Variants in SLC43A2 observed in about 807,000 individuals in gnomAD.
SLC43A2 encodes large neutral amino acids transporter small subunit 4.
In SLC43A2, 38 loss-of-function variants were observed where a neutral mutation model predicts 63.2. The observed-to-expected ratio is 0.60, with a 90% CI of 0.46 to 0.79. SLC43A2 has a LOEUF of 0.79. Among genes scored for constraint, SLC43A2 ranks in the 30% least tolerant of loss-of-function variants. SLC43A2 has a pLI of 0.00. For missense variants in SLC43A2, 644 were observed against 756.2 expected, an observed-to-expected ratio of 0.85 and a Z score of 1.74; for synonymous variants, 322 against 331.0, an observed-to-expected ratio of 0.97 and a Z score of 0.30.
intron 9 of SLC43A2, among the ~76,000 whole-genome samples, chr17:1,586,439 G>A (rs949012277): frequency 1.3e-5 from 2 of 152,164 alleles, no homozygotes; most frequent in Non-Finnish European, 2.9e-5. Flanking sequence ...GCTCATGCCT[G>A]TAATCCCAGC....
chr17:1,627,846 C>CA lies in SLC43A2; in HGVS notation c.28_29insT (p.Arg10LeufsTer130). The stretch of plus-strand genomic sequence containing the variant: ...CGTGCAGGCCATCCACCAGCGGCGC[C>CA]GATGGGCAGTGGCCAGGGTGGGCGC... On this transcript the variant is annotated frameshift_variant, in exon 2 of 14. Coordinates refer to ENST00000301335, the MANE Select transcript of SLC43A2 (RefSeq NM_152346.3). LOFTEE classifies it high-confidence loss of function. 1 of 1,585,008 alleles carries CA rather than the reference C, an allele frequency of 6.3e-7. No individual in the cohort carries two copies. The highest frequency in any genetic ancestry group is 8.6e-7 in the Non-Finnish European group (1 of 1,165,940).
intron 5 of SLC43A2, among the ~76,000 whole-genome samples, chr17:1,601,619 C>T (rs1906029173): frequency 1.3e-5 from 2 of 150,372 alleles, no homozygotes; most frequent in African/African-American, 2.5e-5. Flanking sequence ...GAGTCGTGCA[C>T]TGAGACTACC....
Position 1,587,070 on chromosome 17 carries a change from C to T in SLC43A2, c.1079-1019G>A, listed in dbSNP as rs536634700. On this transcript the variant is annotated intron_variant, in intron 9 of 13. Transcript: ENST00000301335. ...AGGCAGGCTCACTCCATGCCCAGCA[C>T]GCACTGCATTTCCCACACTGCGTTT... 1.1e-4 allele frequency: 133 copies of T among 1,225,730 alleles called. No individual in the cohort carries two copies. In the African/African-American group the frequency reaches 1.2e-3, roughly 11 times the overall value. 75.9% of individuals were successfully genotyped at this position (1,225,730 alleles called of 1,614,324 possible).
Position 1,583,480 on chromosome 17 carries a change from G to C in SLC43A2, c.1218-144C>G. 7.1e-7 allele frequency: 1 copy of C among 1,412,578 alleles called. No homozygotes were observed. The allele number at this position is 1,412,578 out of a possible 1,614,324, so 87.5% of individuals were successfully genotyped here. A position where few individuals can be genotyped will look rare whatever the true frequency, so the allele number is the denominator to read the frequency against. On this transcript the variant is annotated intron_variant, in intron 10 of 13. Coordinates refer to ENST00000301335, the MANE Select transcript of SLC43A2 (RefSeq NM_152346.3). This position sits in a 1 kb window ranked among gnomAD's most constrained non-coding sequence, Gnocchi z 5.5. ...CAGGCACGTTTTAGGGACTGTGTCGGGGCTGGACCAGCACTACGGACACTC... is the reference window on the plus strand; with the variant it reads ...CAGGCACGTTTTAGGGACTGTGTCGCGGCTGGACCAGCACTACGGACACTC...
intron 5 of SLC43A2, among the ~76,000 whole-genome samples, chr17:1,601,823 G>A (rs1388155032): frequency 6.9e-6 from 1 of 144,464 alleles, no homozygotes; most frequent in Non-Finnish European, 1.5e-5. Context: ...CCAAACCGAT[G>A]CAAAGCCACT....
rs1404433775 is a variant in SLC43A2 at position 1,575,195 on chromosome 17, G to A, written c.*409C>T. On this transcript the variant is annotated 3_prime_UTR_variant, in exon 14 of 14. Coordinates refer to ENST00000301335, the MANE Select transcript of SLC43A2 (RefSeq NM_152346.3). ...GAGACAGTGCAAGCCTTTGTCCTCA[G>A]GCAGGTACGGCTGTGGGCATGCAGC... is the stretch of plus-strand genomic sequence containing the variant. 6.7e-6 allele frequency: 2 copies of A among 299,074 alleles called. No homozygotes were observed. The highest frequency in any genetic ancestry group is 3.0e-5 in the South Asian group (1 of 33,844). The allele number at this position is 299,074 out of a possible 1,614,324, so 18.5% of individuals were successfully genotyped here. A position where few individuals can be genotyped will look rare whatever the true frequency, so the allele number is the denominator to read the frequency against.
At chr17:1,619,623 G>A (rs79755857) in intron 2 of SLC43A2, among the ~76,000 whole-genome samples, 135 of 152,284 alleles carry the variant, frequency 8.9e-4, no homozygotes, top group African/African-American at 2.9e-3. Flanking sequence ...TGGGCCACTC[G>A]CCCATCCACA....
At chr17:1,616,217 C>T (rs148798528) in intron 3 of SLC43A2, 8 of 275,558 alleles carry the variant, frequency 2.9e-5, no homozygotes, top group Admixed American at 9.9e-5. Context: ...GTGCCAGCTT[C>T]GTAACAAGGT....
chr17:1,582,735 C>CA (rs1477305113), intron 11 of SLC43A2, among the ~76,000 whole-genome samples: 1 of 152,158 alleles, frequency 6.6e-6, no homozygotes, highest in African/African-American at 2.4e-5. Flanking sequence ...AGGCCCTCCG[C>CA]AAATAACAAA....
intron 5 of SLC43A2, among the ~76,000 whole-genome samples, chr17:1,602,183 T>G (rs1906115923): frequency 6.6e-6 from 1 of 152,164 alleles, no homozygotes; most frequent in Admixed American, 6.5e-5. Context: ...GTTTTAATTA[T>G]TTTTATAGAG....
chr17:1,611,106 A>T (rs1056369782), intron 5 of SLC43A2, among the ~76,000 whole-genome samples: 2 of 151,976 alleles, frequency 1.3e-5, no homozygotes, highest in Admixed American at 6.6e-5. Context: ...GGCCTCCCGG[A>T]GTGCTGGGAT....
At position 1,606,239 on chromosome 17, in the gene SLC43A2, G is replaced by A. The variant is rs1163431005; in HGVS notation, c.501+6956C>T. Among the ~76,000 whole-genome samples, 2 of 152,154 alleles carry A rather than the reference G, an allele frequency of 1.3e-5. No homozygotes were observed. Among genetic ancestry groups the A allele is most frequent in the Non-Finnish European group, 2.9e-5 (2 of 68,026 alleles). ...CCTGGCTGCAGACGCGGGGTCTACT[G>A]AGCCACGGCACTAAACTCCTGTCCC... is the stretch of plus-strand genomic sequence containing the variant. On this transcript the variant is annotated intron_variant, in intron 5 of 13. Coordinates refer to ENST00000301335, the MANE Select transcript of SLC43A2 (RefSeq NM_152346.3). This position sits in a 1 kb window ranked among gnomAD's most constrained non-coding sequence, Gnocchi z 4.7.
chr17:1,572,214 C>T lies in SLC43A2; in HGVS notation c.*3390G>A, dbSNP rs1281341798. The T allele has an allele frequency of 6.6e-6, 1 of 152,370 alleles. No homozygotes were observed. The highest frequency in any genetic ancestry group is 1.5e-5 in the Non-Finnish European group (1 of 68,330). 9.4% of individuals were successfully genotyped at this position (152,370 alleles called of 1,614,324 possible). A position where few individuals can be genotyped will look rare whatever the true frequency, so the allele number is the denominator to read the frequency against. On this transcript the variant is annotated 3_prime_UTR_variant, in exon 14 of 14. Transcript: ENST00000301335. ...TGGCTCCCAGAAACGGAAACCATGCCTGGGCCTGCTCCCCTTCCTTGGGCT... is the reference window on the plus strand; with the variant it reads ...TGGCTCCCAGAAACGGAAACCATGCTTGGGCCTGCTCCCCTTCCTTGGGCT...
intron 5 of SLC43A2, among the ~76,000 whole-genome samples, chr17:1,612,567 G>A (rs984310110): frequency 2.0e-5 from 3 of 152,242 alleles, no homozygotes; most frequent in Admixed American, 6.5e-5. Flanking sequence ...GACAGCTGCC[G>A]AGGAAAACAG....
chr17:1,627,722 G>T lies in SLC43A2; in HGVS notation c.153C>A (p.Thr51=). 2 of 1,474,038 alleles carry T rather than the reference G, an allele frequency of 1.4e-6. No individual in the cohort carries two copies. Among genetic ancestry groups the T allele is most frequent in the Non-Finnish European group, 9.1e-7 (1 of 1,100,420 alleles). The allele number at this position is 1,474,038 out of a possible 1,614,324, so 91.3% of individuals were successfully genotyped here. A position where few individuals can be genotyped will look rare whatever the true frequency, so the allele number is the denominator to read the frequency against. The change falls in exon 2 of 14, where the codon ACC becomes ACA. Residue 51 remains threonine (T), a synonymous_variant. Coordinates refer to ENST00000301335, the MANE Select transcript of SLC43A2 (RefSeq NM_152346.3). ...KSEGFYSYLC[T]EPENVTNGTV... is the part of the protein sequence containing the mutation. ...CCCAGGCGCTTGTCTCACCTGGCTC[G>T]GTACACAGGTAGGAGTAAAAGCCCT...
rs934046667 is a variant in SLC43A2 at position 1,583,999 on chromosome 17, G to A, written c.1218-663C>T. Among the ~76,000 whole-genome samples, 4 of 151,936 alleles carry A rather than the reference G, an allele frequency of 2.6e-5. No homozygotes were observed. In the South Asian group the frequency reaches 6.2e-4, roughly 24 times the overall value. On this transcript the variant is annotated intron_variant, in intron 10 of 13. Transcript: ENST00000301335. This position sits in a 1 kb window ranked among gnomAD's most constrained non-coding sequence, Gnocchi z 5.5. ...CCACCTCTGCCTCCTGGGTTCAAGC[G>A]ATTCTCCTGCCTCAGCCTCCCGAGT...
intron 9 of SLC43A2, chr17:1,586,856 G>C: frequency 2.1e-6 from 3 of 1,395,612 alleles, no homozygotes; most frequent in Non-Finnish European, 2.9e-6. Flanking sequence ...GGCATGTCTG[G>C]AGCTTGAGGT....
chr17:1,581,015 A>G (rs2076004066), intron 11 of SLC43A2, among the ~76,000 whole-genome samples: 1 of 151,032 alleles, frequency 6.6e-6, no homozygotes, highest in East Asian at 2.0e-4. Flanking sequence ...CTGCTGGCGG[A>G]CTCCGCCAAC....
chr17:1,580,291 T>C (rs1233095780), intron 11 of SLC43A2, among the ~76,000 whole-genome samples: 2 of 152,184 alleles, frequency 1.3e-5, no homozygotes, highest in East Asian at 1.9e-4. Flanking sequence ...TGGCAACACA[T>C]GGGCAGCTGG....
Sources: gnomAD v4.1 joint callset for allele counts (sites outside exome capture counted in the v4.1 genomes callset) on GRCh38, gnomAD v4.1.1 for gene constraint, Gnocchi (gnomAD v3.1) non-coding constraint, MANE v1.5 for transcripts, NCBI Gene and HGNC (gene_info 2026-07-23, HGNC 2026-07-21) for gene names.